TYW1: variants seen among roughly 807,000 people sequenced by gnomAD.
TYW1 encodes tRNA-yW synthesizing protein 1 homolog, also known as S-adenosyl-L-methionine-dependent tRNA 4-demethylwyosine synthase TYW1.
A neutral mutation model predicts 96.2 loss-of-function variants in TYW1; 46 were observed. That is an observed-to-expected ratio of 0.48 (90% CI 0.38 to 0.61). TYW1 has a LOEUF of 0.61. Ranked by LOEUF, TYW1 falls within the 20% of genes least tolerant of loss-of-function variation. The pLI, the probability that TYW1 is intolerant of heterozygous loss-of-function variation, is 0.00. For missense variants in TYW1, 684 were observed against 909.6 expected (o/e 0.75, Z 3.19); for synonymous variants, 274 against 323.0 (o/e 0.85, Z 1.63).
intron 13 of TYW1, among the ~76,000 whole-genome samples, chr7:67,158,842 A>G (rs1799069180): frequency 1.3e-5 from 2 of 152,180 alleles, no homozygotes. Context: ...AAGTGCTGGG[A>G]TTACAGGCGT....
At chr7:67,206,412 C>T (rs991114783) in intron 15 of TYW1, among the ~76,000 whole-genome samples, 1 of 152,062 alleles carries the variant, frequency 6.6e-6, no homozygotes, top group Non-Finnish European at 1.5e-5. Flanking sequence ...AGGTGGATCA[C>T]CTTAGGTCAG....
At chr7:67,039,577 T>C (rs960199950) in intron 7 of TYW1, among the ~76,000 whole-genome samples, 4 of 152,162 alleles carry the variant, frequency 2.6e-5, no homozygotes, top group African/African-American at 4.8e-5. Context: ...TCTCCTTTCC[T>C]GAGGAACATA....
At chr7:67,024,862 C>A (rs749514401) in intron 6 of TYW1, 38 bp from the exon 7 acceptor site, 1 of 1,612,342 alleles carries the variant, frequency 6.2e-7, no homozygotes, top group Non-Finnish European at 8.5e-7. Flanking sequence ...TGCCTTTGCC[C>A]CTTTGAACAA....
At chr7:67,125,918 C>T (rs998232815) in intron 13 of TYW1, among the ~76,000 whole-genome samples, 7 of 152,146 alleles carry the variant, frequency 4.6e-5, no homozygotes, top group African/African-American at 1.7e-4. Flanking sequence ...CTTTTTAGAG[C>T]TAAACAATAT....
intron 14 of TYW1, among the ~76,000 whole-genome samples, chr7:67,183,819 A>ATATTT (rs10644987): frequency 0.13 from 20,080 of 151,412 alleles, 1,657 homozygotes; most frequent in East Asian, 0.29. Context: ...ACTTTATTTC[A>ATATTT]TATTTTATTT....
At chr7:67,222,370 T>C (rs866058018) in intron 15 of TYW1, among the ~76,000 whole-genome samples, 1 of 152,240 alleles carries the variant, frequency 6.6e-6, no homozygotes, top group Non-Finnish European at 1.5e-5. Flanking sequence ...TAGCATTTCT[T>C]ACAGGGAAGA....
intron 12 of TYW1, among the ~76,000 whole-genome samples, chr7:67,112,801 G>A (rs886466677): frequency 6.6e-6 from 1 of 152,112 alleles, no homozygotes; most frequent in African/African-American, 2.4e-5. Context: ...AGGCACAGGG[G>A]AGCCAGATGC....
chr7:67,142,908 C>A (rs889973377), intron 13 of TYW1, among the ~76,000 whole-genome samples: 5 of 152,086 alleles, frequency 3.3e-5, no homozygotes, highest in African/African-American at 1.2e-4. Flanking sequence ...AAAAAATTAG[C>A]CGGGCGTGGT....
intron 15 of TYW1, among the ~76,000 whole-genome samples, chr7:67,211,704 G>A (rs1247988233): frequency 1.3e-5 from 2 of 152,190 alleles, no homozygotes; most frequent in African/African-American, 2.4e-5. Context: ...AACAGTGAGA[G>A]ACCTGGCTCC....
At chr7:67,230,404 A>T (rs1032116532) in intron 15 of TYW1, among the ~76,000 whole-genome samples, 1 of 147,236 alleles carries the variant, frequency 6.8e-6, no homozygotes, top group African/African-American at 2.6e-5. Flanking sequence ...CCTTATTTTT[A>T]GTTTTGTCAA....
At chr7:67,166,356 A>G (rs1236311966) in intron 13 of TYW1, among the ~76,000 whole-genome samples, 2 of 111,358 alleles carry the variant, frequency 1.8e-5, no homozygotes, top group African/African-American at 3.5e-5. Context: ...ATAATTATAT[A>G]TAATACATAT....
At position 67,117,504 on chromosome 7, in the gene TYW1, G is replaced by A. The variant is rs1563022672; in HGVS notation, c.1584G>A (p.Gln528=). The part of the protein sequence containing the change: ...AEIRNLEPVT[Q]LYVSVDASTK... ...TAAGGAACCTCGAGCCGGTTACTCA[G>A]CTGTATGTCAGTGTGGATGCCAGTA... Residue 528 remains glutamine, a synonymous_variant, in exon 13 of 16, where the codon CAG becomes CAA. Transcript: ENST00000359626. The A allele has an allele frequency of 6.2e-7, 1 of 1,609,130 alleles. No individual in the cohort carries two copies. The highest frequency in any genetic ancestry group is 8.5e-7 in the Non-Finnish European group (1 of 1,178,818).
intron 11 of TYW1, among the ~76,000 whole-genome samples, chr7:67,091,379 A>G (rs2115818922): frequency 7.4e-6 from 1 of 134,810 alleles, no homozygotes; most frequent in South Asian, 2.7e-4. Context: ...ACACTTAGAC[A>G]TAGGAAGGGG....
intron 12 of TYW1, among the ~76,000 whole-genome samples, chr7:67,116,333 A>AAAAAAG (rs1554368057): frequency 0.025 from 3,748 of 150,230 alleles, 75 homozygotes; most frequent in Middle Eastern, 0.093. Context: ...TCAAAAAAAA[A>AAAAAAG]AAAAGAAAAG....
chr7:67,123,001 G>A (rs1242186741), intron 13 of TYW1, among the ~76,000 whole-genome samples: 2 of 152,158 alleles, frequency 1.3e-5, no homozygotes, highest in Admixed American at 6.5e-5. Context: ...TTAAATCATG[G>A]CATGGCCTTT....
At chr7:67,213,251 T>C (rs1801097574) in intron 15 of TYW1, among the ~76,000 whole-genome samples, 1 of 151,970 alleles carries the variant, frequency 6.6e-6, no homozygotes, top group African/African-American at 2.4e-5. Flanking sequence ...CACTGCAGCC[T>C]CTAATTCCTG....
At chr7:67,152,123 G>A (rs1421447985) in intron 13 of TYW1, among the ~76,000 whole-genome samples, 4 of 152,076 alleles carry the variant, frequency 2.6e-5, no homozygotes, top group Non-Finnish European at 5.9e-5. Flanking sequence ...CATGATTCTT[G>A]TTTACATATT....
At chr7:67,166,916 T>C (rs1799352123) in intron 13 of TYW1, among the ~76,000 whole-genome samples, 1 of 152,226 alleles carries the variant, frequency 6.6e-6, no homozygotes. Flanking sequence ...GTGTTCTGCA[T>C]TCAGTCATCA....
intron 13 of TYW1, among the ~76,000 whole-genome samples, chr7:67,162,828 T>A (rs1799201858): frequency 6.6e-6 from 1 of 152,242 alleles, no homozygotes; most frequent in Admixed American, 6.5e-5. Flanking sequence ...CTCTTATTTC[T>A]GTTTACTATT....
Sources: allele counts gnomAD v4.1 joint callset (sites outside exome capture counted in the v4.1 genomes callset), GRCh38; gene constraint gnomAD v4.1.1; transcripts MANE v1.5; gene names NCBI Gene and HGNC (gene_info 2026-07-23, HGNC 2026-07-21).